The following SPPL2B variants were observed in gnomAD, a reference collection of about 807,000 sequenced individuals.
SPPL2B encodes signal peptide peptidase like 2B.
SPPL2B carries 39 observed loss-of-function variants against 59.7 expected under a neutral mutation model. The ratio of observed to expected loss-of-function variants is 0.65; its 90% confidence interval spans 0.51 to 0.85. SPPL2B has a LOEUF of 0.85. Among genes scored for constraint, SPPL2B ranks in the 40% least tolerant of loss-of-function variants. SPPL2B has a pLI of 0.00. For synonymous variants in SPPL2B, 419 were observed against 370.8 expected (o/e 1.13, Z -1.49); for missense variants, 865 against 849.0 (o/e 1.02, Z -0.23).
intron 5 of SPPL2B, 75 bp from the exon 6 acceptor site, chr19:2,339,749 G>A (rs1436258631): frequency 9.1e-6 from 14 of 1,539,318 alleles, no homozygotes; most frequent in African/African-American, 2.7e-5. Flanking sequence ...CCGTTCCCCC[G>A]GGTGGCTGTG....
At chr19:2,343,875 C>T (rs1213550971) in intron 9 of SPPL2B, 90 bp from the exon 10 acceptor site, 5 of 995,006 alleles carry the variant, frequency 5.0e-6, no homozygotes, top group South Asian at 1.4e-5. Flanking sequence ...TTAAAGGCTG[C>T]CTCCCAGGAG....
At chr19:2,334,177 C>G (rs1388625462) in intron 1 of SPPL2B, among the ~76,000 whole-genome samples, 1 of 152,206 alleles carries the variant, frequency 6.6e-6, no homozygotes, top group African/African-American at 2.4e-5. Flanking sequence ...TCCAGGCCTC[C>G]CGCCCAGGCT....
At chr19:2,333,535 G>T (rs549150643) in intron 1 of SPPL2B, among the ~76,000 whole-genome samples, 1 of 152,350 alleles carries the variant, frequency 6.6e-6, no homozygotes, top group South Asian at 2.1e-4. Flanking sequence ...AGAGGTGGGG[G>T]TCGTCCCTTC....
chr19:2,332,859 C>T lies in SPPL2B; in HGVS notation c.67-1743C>T, dbSNP rs1968356019. 6.6e-6 allele frequency among the ~76,000 whole-genome samples: 1 copy of T among 152,070 alleles called. No homozygotes were observed. Among genetic ancestry groups the T allele is most frequent in the East Asian group, 1.9e-4 (1 of 5,172 alleles). On this transcript the variant is annotated intron_variant, in intron 1 of 14. Coordinates refer to ENST00000613503, the MANE Select transcript of SPPL2B (RefSeq NM_152988.3). The surrounding 1 kb of genome is among the most constrained non-coding windows in gnomAD (Gnocchi z 4.6). ...GACCCTCTGGTGACTGGCATCCTGG[C>T]GAGATGGAGATGTCTTTGTCAGCTG...
At chr19:2,349,004 A>T (rs1969704122) in intron 13 of SPPL2B, among the ~76,000 whole-genome samples, 1 of 110,418 alleles carries the variant, frequency 9.1e-6, no homozygotes, top group African/African-American at 3.8e-5. Context: ...TCACGCTCTC[A>T]TTCGCTTGAT....
intron 8 of SPPL2B, chr19:2,341,460 G>C (rs759209684): frequency 2.2e-6 from 1 of 447,902 alleles, no homozygotes. Context: ...GGTGGGGCAG[G>C]CACTGCTCCC....
chr19:2,338,978 T>TCCAGCC, intron 4 of SPPL2B, 91 bp from the exon 5 acceptor site: 1 of 1,505,052 alleles, frequency 6.6e-7, no homozygotes, highest in Admixed American at 2.0e-5. Context: ...GGCCAGGGTC[T>TCCAGCC]CCAGCCCCAG....
chr19:2,344,778 C>A, intron 12 of SPPL2B, 126 bp downstream of exon 12: 1 of 705,356 alleles, frequency 1.4e-6, no homozygotes, highest in Non-Finnish European at 2.5e-6. Context: ...GGGTCAGAGT[C>A]GGGCAGGTTG....
chr19:2,354,898 T>C lies in SPPL2B; in HGVS notation c.*1689T>C, dbSNP rs1019484250. 1 of 152,308 alleles carries C rather than the reference T, an allele frequency of 6.6e-6. No individual in the cohort carries two copies. The highest frequency in any genetic ancestry group is 1.5e-5 in the Non-Finnish European group (1 of 68,100). 9.4% of individuals were successfully genotyped at this position (152,308 alleles called of 1,614,324 possible). On this transcript the variant is annotated 3_prime_UTR_variant, in exon 15 of 15. Coordinates refer to ENST00000613503, the MANE Select transcript of SPPL2B (RefSeq NM_152988.3). ...ACTGAGAGCTGGCAGGCCGCCTGGCTGTCCTGCAGAGGACGGATTGGAATT... is the reference window on the plus strand; with the variant it reads ...ACTGAGAGCTGGCAGGCCGCCTGGCCGTCCTGCAGAGGACGGATTGGAATT...
At chr19:2,349,101 C>T (rs1438159212) in intron 13 of SPPL2B, among the ~76,000 whole-genome samples, 3 of 126,392 alleles carry the variant, frequency 2.4e-5, no homozygotes, top group Non-Finnish European at 4.8e-5. Context: ...CGTTCTCATT[C>T]GCTTGATTCC....
intron 2 of SPPL2B, among the ~76,000 whole-genome samples, chr19:2,334,985 A>G (rs1286145590): frequency 6.6e-6 from 1 of 152,096 alleles, no homozygotes; most frequent in Non-Finnish European, 1.5e-5. Context: ...CTACTGCTCC[A>G]TGCCGGGGAC....
chr19:2,333,321 C>CT (rs1263105004), intron 1 of SPPL2B, among the ~76,000 whole-genome samples: 1 of 65,028 alleles, frequency 1.5e-5, no homozygotes, highest in African/African-American at 5.9e-5. Flanking sequence ...CTGGGCTTTG[C>CT]GGGAGCAGGA....
Position 2,345,342 on chromosome 19 carries a change from G to C in SPPL2B, c.1354+12G>C, listed in dbSNP as rs773848403. The C allele has an allele frequency of 1.2e-6, 2 of 1,611,752 alleles. No homozygotes were observed. The highest frequency in any genetic ancestry group is 1.7e-6 in the Non-Finnish European group (2 of 1,178,596). ...GGCCTGCACCATCGGTAAGTGCCTC[G>C]GTTGGGCCCGTGCTGGCCTCTCTGG... On this transcript the variant is annotated intron_variant, in intron 13 of 14. Coordinates refer to ENST00000613503, the MANE Select transcript of SPPL2B (RefSeq NM_152988.3).
chr19:2,334,982 T>C (rs1229165701), intron 2 of SPPL2B, among the ~76,000 whole-genome samples: 1 of 151,804 alleles, frequency 6.6e-6, no homozygotes, highest in Non-Finnish European at 1.5e-5. Flanking sequence ...TCTCTACTGC[T>C]CCATGCCGGG....
rs937127949 is a variant in SPPL2B at position 2,338,896 on chromosome 19, C to T, written c.459+55C>T. The T allele has an allele frequency of 5.5e-5, 86 of 1,566,974 alleles. No individual in the cohort carries two copies. The African/African-American group carries it at 9.3e-4, about 17-fold the overall frequency. ...CCCGAGGAGATGGGGCAGGGGGCTT[C>T]GGGCTGGCTGCCGGGGGGGTTTGTG... is the stretch of plus-strand genomic sequence containing the variant. On this transcript the variant is annotated intron_variant, in intron 4 of 14. Transcript: ENST00000613503.
rs1223823213 is a variant in SPPL2B at position 2,332,833 on chromosome 19, A to G, written c.67-1769A>G. Among the ~76,000 whole-genome samples, 1 of 152,092 alleles carries G rather than the reference A, an allele frequency of 6.6e-6. No individual in the cohort carries two copies. The highest frequency in any genetic ancestry group is 1.5e-5 in the Non-Finnish European group (1 of 68,016). On this transcript the variant is annotated intron_variant, in intron 1 of 14. Coordinates refer to ENST00000613503, the MANE Select transcript of SPPL2B (RefSeq NM_152988.3). The surrounding 1 kb of genome is among the most constrained non-coding windows in gnomAD (Gnocchi z 4.6). ...CTGGGACCTGGGCCCCATCGCTGTG[A>G]GACCCTCTGGTGACTGGCATCCTGG...
Position 2,336,701 on chromosome 19 carries a change from T to C in SPPL2B, c.187-742T>C, listed in dbSNP as rs567770944. On this transcript the variant is annotated intron_variant, in intron 2 of 14. Transcript: ENST00000613503. ...GTCTGCTTGAGTGTGAGTGTGCATGTGTGTGCTTGCGTGTGCATATGTGTG... is the reference window on the plus strand; with the variant it reads ...GTCTGCTTGAGTGTGAGTGTGCATGCGTGTGCTTGCGTGTGCATATGTGTG... Among the ~76,000 whole-genome samples, 11 of 150,648 alleles carry C rather than the reference T, an allele frequency of 7.3e-5. No homozygotes were observed. The South Asian group carries it at 2.3e-3, about 32-fold the overall frequency.
At chr19:2,348,497 G>T (rs1166500286) in intron 13 of SPPL2B, among the ~76,000 whole-genome samples, 1 of 138,378 alleles carries the variant, frequency 7.2e-6, no homozygotes, top group Non-Finnish European at 1.5e-5. Flanking sequence ...ACACACTCAC[G>T]CTCTCATTCG....
At chr19:2,350,423 C>G (rs1442466158) in intron 13 of SPPL2B, among the ~76,000 whole-genome samples, 1 of 151,720 alleles carries the variant, frequency 6.6e-6, no homozygotes, top group Admixed American at 6.6e-5. Flanking sequence ...TCTCTCCACA[C>G]ACACACTCGC....
Sources: gnomAD v4.1 joint callset for allele counts (sites outside exome capture counted in the v4.1 genomes callset) on GRCh38, gnomAD v4.1.1 for gene constraint, Gnocchi (gnomAD v3.1) non-coding constraint, MANE v1.5 for transcripts, NCBI Gene and HGNC (gene_info 2026-07-23, HGNC 2026-07-21) for gene names.